The following ATP6V1D variants were observed in gnomAD, a reference collection of about 807,000 sequenced individuals.
The protein encoded by ATP6V1D is ATPase H+ transporting V1 subunit D.
ATP6V1D carries 20 observed loss-of-function variants against 39.4 expected under a neutral mutation model. That is an observed-to-expected ratio of 0.51 (90% CI 0.36 to 0.74). ATP6V1D has a LOEUF of 0.74. ATP6V1D is among the 30% of genes least tolerant of loss of function. ATP6V1D has a pLI of 0.00. For synonymous variants in ATP6V1D, 100 were observed against 100.5 expected, an observed-to-expected ratio of 0.99 and a Z score of 0.03; for missense variants, 228 against 291.6, an observed-to-expected ratio of 0.78 and a Z score of 1.59.
At chr14:67,340,943 C>T (rs1005232903) in intron 7 of ATP6V1D, among the ~76,000 whole-genome samples, 5 of 152,248 alleles carry the variant, frequency 3.3e-5, no homozygotes, top group African/African-American at 7.2e-5. Flanking sequence ...CCCGAGGTGC[C>T]GGGATTGCAG....
chr14:67,350,226 A>AT lies in ATP6V1D; in HGVS notation c.239+384dup, dbSNP rs572442423. 1.5e-3 allele frequency among the ~76,000 whole-genome samples: 231 copies of AT among 152,338 alleles called. 1 individual carries two copies. The highest frequency in any genetic ancestry group is 5.5e-3 in the African/African-American group (228 of 41,584). On this transcript the variant is annotated intron_variant, in intron 3 of 8. Coordinates refer to ENST00000216442, the MANE Select transcript of ATP6V1D (RefSeq NM_015994.4). ...AATAATTCAGTAGAAACAAAAATAC[A>AT]TATGTGTAAAAATGTTCACTGCACT... is the stretch of plus-strand genomic sequence containing the variant.
intron 7 of ATP6V1D, among the ~76,000 whole-genome samples, chr14:67,343,086 C>G (rs554667255): frequency 6.6e-6 from 1 of 152,192 alleles, no homozygotes; most frequent in Non-Finnish European, 1.5e-5. Context: ...TATTCCTACC[C>G]TTAAATAACT....
At chr14:67,345,421 G>T (rs988855211) in intron 6 of ATP6V1D, among the ~76,000 whole-genome samples, 4 of 151,918 alleles carry the variant, frequency 2.6e-5, no homozygotes, top group African/African-American at 9.7e-5. Flanking sequence ...GCCAGGCATG[G>T]TGGCACATGT....
chr14:67,339,362 G>T (rs2085562913), intron 8 of ATP6V1D, among the ~76,000 whole-genome samples: 1 of 151,998 alleles, frequency 6.6e-6, no homozygotes, highest in South Asian at 2.1e-4. Context: ...GAGCATTCAG[G>T]CATTTTTTTA....
intron 1 of ATP6V1D, among the ~76,000 whole-genome samples, chr14:67,354,567 T>C (rs2141111836): frequency 6.6e-6 from 1 of 152,264 alleles, no homozygotes; most frequent in East Asian, 1.9e-4. Context: ...AGCTAAATGC[T>C]AAATACATCA....
At chr14:67,348,969 T>C (rs2085640228) in intron 4 of ATP6V1D, 68 bp downstream of exon 4, 9 of 1,450,700 alleles carry the variant, frequency 6.2e-6, no homozygotes, top group Non-Finnish European at 8.7e-6. Context: ...TCTTGCTGTA[T>C]AAACAGGTTA....
intron 1 of ATP6V1D, 86 bp from the exon 2 acceptor site, chr14:67,353,126 C>T (rs1289134109): frequency 3.0e-6 from 3 of 1,011,956 alleles, no homozygotes; most frequent in Non-Finnish European, 4.4e-6. Flanking sequence ...TAAAATTATC[C>T]TTTATCCTTT....
intron 2 of ATP6V1D, among the ~76,000 whole-genome samples, chr14:67,351,911 C>CAA (rs758907410): frequency 7.8e-6 from 1 of 128,118 alleles, no homozygotes; most frequent in Non-Finnish European, 1.6e-5. Flanking sequence ...GAACCTCTAC[C>CAA]AAAAAAAAAA....
At chr14:67,340,907 T>C (rs928466218) in intron 7 of ATP6V1D, among the ~76,000 whole-genome samples, 2 of 152,182 alleles carry the variant, frequency 1.3e-5, no homozygotes, top group African/African-American at 4.8e-5. Flanking sequence ...AGCTCCTAAC[T>C]GCGAGTGATC....
At chr14:67,355,195 C>T (rs2085677516) in intron 1 of ATP6V1D, among the ~76,000 whole-genome samples, 1 of 151,892 alleles carries the variant, frequency 6.6e-6, no homozygotes, top group African/African-American at 2.4e-5. Context: ...AATCAAGATC[C>T]TAACAGCAAT....
rs2085665852 is a variant in ATP6V1D at position 67,352,991 on chromosome 14, T to C, written c.91A>G (p.Asn31Asp). The stretch of plus-strand genomic sequence containing the variant: ...GCATCAGATTTTTTCTTCAGGAGGT[T>C]TCGACCTGTCTGTGCTCCCTTTAAA... ...ARLKGAQTGR[N>D]LLKKKSDALT... is the part of the protein sequence containing the mutation. Residue 31 changes from asparagine (N) to aspartate (D), a missense_variant, in exon 2 of 9, where the codon AAC (asparagine) becomes GAC (aspartate). Physicochemically the swap from Asn to Asp is conservative, Grantham distance 23. This residue lies in a region of ATP6V1D where 104 missense variants were observed against 120.2 expected (regional missense o/e 0.87). Coordinates refer to ENST00000216442, the MANE Select transcript of ATP6V1D (RefSeq NM_015994.4). 1 of 1,614,030 alleles carries C rather than the reference T, an allele frequency of 6.2e-7. No individual in the cohort carries two copies. The highest frequency in any genetic ancestry group is 1.3e-5 in the African/African-American group (1 of 74,926).
At position 67,340,662 on chromosome 14, in the gene ATP6V1D, A is replaced by C. The variant is rs1566595798; in HGVS notation, c.524-144T>G. On this transcript the variant is annotated intron_variant, in intron 7 of 8. Transcript: ENST00000216442. ...CAGAGAACTTGGAAAATAAAAACAC[A>C]AAGAAGCTCTTCCTCTCCCCCTCCC... The C allele has an allele frequency of 7.2e-6, 5 of 694,058 alleles. No individual in the cohort carries two copies. In the South Asian group the frequency reaches 9.3e-5, roughly 13 times the overall value. 43.0% of individuals were successfully genotyped at this position (694,058 alleles called of 1,614,324 possible).
At chr14:67,356,186 G>A (rs1566604117) in intron 1 of ATP6V1D, among the ~76,000 whole-genome samples, 1 of 152,228 alleles carries the variant, frequency 6.6e-6, no homozygotes, top group Admixed American at 6.5e-5. Context: ...TTGGGAGGCC[G>A]AGGCAGGTGG....
Position 67,359,723 on chromosome 14 carries a change from G to A in ATP6V1D, c.-25C>T, listed in dbSNP as rs2085716239. On this transcript the variant is annotated 5_prime_UTR_variant, in exon 1 of 9. Transcript: ENST00000216442. ...TTCTGACGATAACTTTTCGGCTCGG[G>A]TCCCCGGCCGGGCAACCGAGGCTGC... The A allele has an allele frequency of 2.5e-6, 4 of 1,613,276 alleles. No individual in the cohort carries two copies. The highest frequency in any genetic ancestry group is 3.4e-6 in the Non-Finnish European group (4 of 1,179,850).
At position 67,345,993 on chromosome 14, in the gene ATP6V1D, T is replaced by C. The variant is rs544268122; in HGVS notation, c.353-122A>G. The stretch of plus-strand genomic sequence containing the variant: ...GAAAGATGAATTCACTAATCTTCAT[T>C]GAATGTAAACATGAAGTGCCTATCT... On this transcript the variant is annotated intron_variant, in intron 5 of 8. Transcript: ENST00000216442. 88 of 667,312 alleles carry C rather than the reference T, an allele frequency of 1.3e-4. No homozygotes were observed. In the African/African-American group the frequency reaches 1.4e-3, roughly 11 times the overall value. The allele number at this position is 667,312 out of a possible 1,614,324, so 41.3% of individuals were successfully genotyped here. A position where few individuals can be genotyped will look rare whatever the true frequency, so the allele number is the denominator to read the frequency against.
At chr14:67,338,955 T>C (rs2085559251) in intron 8 of ATP6V1D, among the ~76,000 whole-genome samples, 193 bp from the exon 9 acceptor site, 1 of 151,964 alleles carries the variant, frequency 6.6e-6, no homozygotes, top group African/African-American at 2.4e-5. Context: ...AAATACATAA[T>C]TTTAAGCTAA....
At chr14:67,338,860 C>A in intron 8 of ATP6V1D, 98 bp from the exon 9 acceptor site, 2 of 1,057,798 alleles carry the variant, frequency 1.9e-6, no homozygotes, top group Non-Finnish European at 2.6e-6. Context: ...TAAACACATA[C>A]CTAGAAAAAA....
chr14:67,338,589 T>A lies in ATP6V1D; in HGVS notation c.*32A>T. The A allele has an allele frequency of 1.2e-6, 2 of 1,603,704 alleles. No individual in the cohort carries two copies. Among genetic ancestry groups the A allele is most frequent in the Non-Finnish European group, 1.7e-6 (2 of 1,175,670 alleles). ...CTGTGAATTAAAATGAAGCCAGTGT[T>A]AGGGTTTCTCAAAGAACCAGAACAG... is the stretch of plus-strand genomic sequence containing the variant. On this transcript the variant is annotated 3_prime_UTR_variant, in exon 9 of 9. Transcript: ENST00000216442.
In ATP6V1D at chr14:67,359,728, C is replaced by T; in HGVS notation, c.-30G>A. On this transcript the variant is annotated 5_prime_UTR_variant, in exon 1 of 9. Coordinates refer to ENST00000216442, the MANE Select transcript of ATP6V1D (RefSeq NM_015994.4). ...ACGATAACTTTTCGGCTCGGGTCCC[C>T]GGCCGGGCAACCGAGGCTGCAATAG... The T allele has an allele frequency of 6.2e-7, 1 of 1,613,504 alleles. No homozygotes were observed. Among genetic ancestry groups the T allele is most frequent in the Non-Finnish European group, 8.5e-7 (1 of 1,179,906 alleles).
Sources: allele counts gnomAD v4.1 joint callset (sites outside exome capture counted in the v4.1 genomes callset), GRCh38; gene constraint gnomAD v4.1.1; regional missense constraint gnomAD v4.1.1; transcripts MANE v1.5; gene names NCBI Gene and HGNC (gene_info 2026-07-23, HGNC 2026-07-21).